DAB1: variants seen among roughly 807,000 people sequenced by gnomAD.
DAB1 encodes disabled homolog 1.
A neutral mutation model predicts 64.6 loss-of-function variants in DAB1; 15 were observed. That is an observed-to-expected ratio of 0.23 (90% CI 0.16 to 0.36). The LOEUF (loss-of-function observed/expected upper bound fraction) is 0.36, where lower values mean the gene tolerates loss of function less well. Among genes scored for constraint, DAB1 ranks in the 10% least tolerant of loss-of-function variants. The probability of loss-of-function intolerance (pLI) is 1.00; values close to 1 mark genes in which losing one functional copy is unlikely to be tolerated. For missense variants in DAB1, 596 were observed against 706.7 expected, an observed-to-expected ratio of 0.84 and a Z score of 1.78; for synonymous variants, 235 against 251.9, an observed-to-expected ratio of 0.93 and a Z score of 0.64.
At chr1:57,528,332 A>T (rs1427988850) in intron 7 of DAB1, among the ~76,000 whole-genome samples, 2 of 152,124 alleles carry the variant, frequency 1.3e-5, no homozygotes, top group Non-Finnish European at 2.9e-5. Context: ...AAACTCAGAG[A>T]CAATAAAATT....
rs74077260 is a variant in DAB1 at position 57,142,204 on chromosome 1, G to C, written c.207+3086C>G. On this transcript the variant is annotated intron_variant, in intron 3 of 14. Coordinates refer to ENST00000371236, the MANE Select transcript of DAB1 (RefSeq NM_001365792.1). Reference sequence around the variant, plus strand: ...CCCCTCTCAATCCCCTACAATCCAAGAGAAAACTCTCTAATGCAAGAACAC... The same window carrying C: ...CCCCTCTCAATCCCCTACAATCCAACAGAAAACTCTCTAATGCAAGAACAC... 3.9e-3 allele frequency among the ~76,000 whole-genome samples: 590 copies of C among 152,226 alleles called. 4 individuals are homozygous for C. The highest frequency in any genetic ancestry group is 0.014 in the African/African-American group (562 of 41,544).
intron 7 of DAB1, among the ~76,000 whole-genome samples, chr1:57,532,856 T>C (rs1482302512): frequency 1.3e-5 from 2 of 152,230 alleles, no homozygotes; most frequent in Admixed American, 1.3e-4. Flanking sequence ...TTAACATTTA[T>C]TAAATGCTTA....
intron 7 of DAB1, among the ~76,000 whole-genome samples, chr1:57,574,767 G>A (rs1191472557): frequency 6.6e-6 from 1 of 152,114 alleles, no homozygotes; most frequent in Non-Finnish European, 1.5e-5. Context: ...CTTCCTATTG[G>A]GTAGTGCCCA....
intron 3 of DAB1, among the ~76,000 whole-genome samples, chr1:58,451,701 A>G (rs1324066065): frequency 6.6e-6 from 1 of 152,224 alleles, no homozygotes; most frequent in Non-Finnish European, 1.5e-5. Context: ...TAAGAAAGCT[A>G]GACGGGCTTT....
At chr1:57,672,026 C>T (rs1646515953) in intron 6 of DAB1, among the ~76,000 whole-genome samples, 1 of 152,046 alleles carries the variant, frequency 6.6e-6, no homozygotes, top group Non-Finnish European at 1.5e-5. Context: ...CTATGCTAAG[C>T]TCTTACATTC....
chr1:57,487,410 A>G (rs1644105801), intron 7 of DAB1, among the ~76,000 whole-genome samples: 1 of 152,056 alleles, frequency 6.6e-6, no homozygotes, highest in Non-Finnish European at 1.5e-5. Flanking sequence ...GGCCAGGGCA[A>G]CCACTGTAGA....
intron 4 of DAB1, among the ~76,000 whole-genome samples, chr1:58,167,371 C>T (rs1321748937): frequency 1.3e-5 from 2 of 151,640 alleles, no homozygotes; most frequent in East Asian, 3.9e-4. Flanking sequence ...TGTAAAAATG[C>T]ACCAATCAGT....
At chr1:57,162,615 T>C (rs1263289200) in intron 2 of DAB1, among the ~76,000 whole-genome samples, 2 of 152,224 alleles carry the variant, frequency 1.3e-5, no homozygotes, top group Non-Finnish European at 2.9e-5. Flanking sequence ...GTCACCTCCA[T>C]TAGAAAAAAT....
At chr1:57,206,747 C>A (rs1433341815) in intron 2 of DAB1, among the ~76,000 whole-genome samples, 3 of 152,124 alleles carry the variant, frequency 2.0e-5, no homozygotes, top group Non-Finnish European at 4.4e-5. Flanking sequence ...CAAGGGGCTT[C>A]ATCAAGAGGC....
chr1:57,412,561 A>G (rs963899394), intron 1 of DAB1, among the ~76,000 whole-genome samples: 2 of 152,232 alleles, frequency 1.3e-5, no homozygotes, highest in African/African-American at 4.8e-5. Flanking sequence ...CACATGACTG[A>G]TAAGGAAGAG....
intron 6 of DAB1, among the ~76,000 whole-genome samples, chr1:57,815,422 C>A (rs924802773): frequency 6.6e-6 from 1 of 152,212 alleles, no homozygotes; most frequent in East Asian, 1.9e-4. Flanking sequence ...ATAGAATGAA[C>A]TGGACTGGAC....
At chr1:57,308,639 T>A (rs1371455553) in intron 1 of DAB1, among the ~76,000 whole-genome samples, 1 of 152,210 alleles carries the variant, frequency 6.6e-6, no homozygotes, top group Non-Finnish European at 1.5e-5. Flanking sequence ...GGTGGCATAT[T>A]GCCACAAAAT....
intron 4 of DAB1, among the ~76,000 whole-genome samples, chr1:57,084,956 C>T (rs1652921274): frequency 6.6e-6 from 1 of 152,088 alleles, no homozygotes; most frequent in South Asian, 2.1e-4. Context: ...AGGCTGTTGC[C>T]TTGGAAAATG....
At chr1:57,456,964 C>T (rs141555938) in intron 7 of DAB1, among the ~76,000 whole-genome samples, 1 of 152,012 alleles carries the variant, frequency 6.6e-6, no homozygotes, top group East Asian at 1.9e-4. Context: ...CAAATCATAA[C>T]CCCCAGAATG....
intron 5 of DAB1, among the ~76,000 whole-genome samples, chr1:57,986,039 T>C (rs958802854): frequency 1.3e-5 from 2 of 152,188 alleles, no homozygotes; most frequent in African/African-American, 4.8e-5. Flanking sequence ...CAGTTGATCA[T>C]ACACATTTCT....
At chr1:57,431,569 G>A (rs2101115716) in intron 7 of DAB1, among the ~76,000 whole-genome samples, 1 of 152,230 alleles carries the variant, frequency 6.6e-6, no homozygotes, top group East Asian at 1.9e-4. Context: ...TACTAAACTT[G>A]ACTCTGGTTT....
At chr1:58,181,375 C>T (rs1375453400) in intron 4 of DAB1, among the ~76,000 whole-genome samples, 1 of 152,046 alleles carries the variant, frequency 6.6e-6, no homozygotes, top group Non-Finnish European at 1.5e-5. Flanking sequence ...ATAGTAGGAT[C>T]TTCTTTTATT....
At chr1:57,127,960 C>T (rs1018926772) in intron 4 of DAB1, among the ~76,000 whole-genome samples, 1 of 151,890 alleles carries the variant, frequency 6.6e-6, no homozygotes, top group African/African-American at 2.4e-5. Flanking sequence ...CCAGACTAGC[C>T]AACATGGTGA....
chr1:58,024,320 G>A (rs1646857102), intron 5 of DAB1, among the ~76,000 whole-genome samples: 1 of 152,118 alleles, frequency 6.6e-6, no homozygotes, highest in African/African-American at 2.4e-5. Flanking sequence ...GTTGGCCTGA[G>A]TCATCTACAC....
Sources: allele counts gnomAD v4.1 joint callset (sites outside exome capture counted in the v4.1 genomes callset), GRCh38; gene constraint gnomAD v4.1.1; transcripts MANE v1.5; gene names NCBI Gene and HGNC (gene_info 2026-07-23, HGNC 2026-07-21).